GAS7: variants seen among roughly 807,000 people sequenced by gnomAD.
The protein encoded by GAS7 is growth arrest specific 7, also known as growth arrest-specific protein 7.
A neutral mutation model predicts 71.1 loss-of-function variants in GAS7; 28 were observed. That is an observed-to-expected ratio of 0.39 (90% CI 0.29 to 0.54). GAS7 has a LOEUF of 0.54. GAS7 is among the 20% of genes least tolerant of loss of function. The pLI, the probability that GAS7 is intolerant of heterozygous loss-of-function variation, is 0.62. For synonymous variants in GAS7, 258 were observed against 245.8 expected, an observed-to-expected ratio of 1.05 and a Z score of -0.46; for missense variants, 436 against 627.8, an observed-to-expected ratio of 0.69 and a Z score of 3.27.
chr17:10,031,618 T>G (rs2072620185), intron 1 of GAS7, among the ~76,000 whole-genome samples: 1 of 152,186 alleles, frequency 6.6e-6, no homozygotes, highest in South Asian at 2.1e-4. Context: ...TGACCCTTCC[T>G]CCTCTGACTC....
At chr17:10,006,660 G>A (rs866941517) in intron 2 of GAS7, among the ~76,000 whole-genome samples, 1 of 129,710 alleles carries the variant, frequency 7.7e-6, no homozygotes, top group Admixed American at 7.2e-5. Flanking sequence ...CCTCAGCTAA[G>A]TTGAAAGCAG....
chr17:10,159,082 A>ATATATTATTATTTTAT (rs1402777753), intron 1 of GAS7, among the ~76,000 whole-genome samples: 1 of 119,612 alleles, frequency 8.4e-6, no homozygotes, highest in Non-Finnish European at 1.7e-5. Flanking sequence ...ATATATATAT[A>ATATATTATTATTTTAT]TATATATATA....
At chr17:10,190,573 C>T (rs2142153766) in intron 1 of GAS7, among the ~76,000 whole-genome samples, 1 of 149,640 alleles carries the variant, frequency 6.7e-6, no homozygotes, top group Non-Finnish European at 1.5e-5. Context: ...GAGCAAGACT[C>T]CGTCTCAAAA....
At chr17:10,128,241 G>C (rs754945717) in intron 1 of GAS7, among the ~76,000 whole-genome samples, 2 of 152,230 alleles carry the variant, frequency 1.3e-5, no homozygotes, top group Admixed American at 1.3e-4. Flanking sequence ...TGCAGACTTC[G>C]AGAGGAAACA....
At chr17:10,073,022 G>A (rs898351383) in intron 1 of GAS7, among the ~76,000 whole-genome samples, 2 of 152,238 alleles carry the variant, frequency 1.3e-5, no homozygotes, top group African/African-American at 4.8e-5. Flanking sequence ...GATGGAAATA[G>A]AAAAGGTGGC....
chr17:9,963,131 C>G (rs1209222287), intron 4 of GAS7, among the ~76,000 whole-genome samples: 1 of 151,570 alleles, frequency 6.6e-6, no homozygotes, highest in Non-Finnish European at 1.5e-5. Flanking sequence ...ATCCATACGA[C>G]AGAATATTCT....
At chr17:10,021,104 C>T (rs192510036) in intron 1 of GAS7, among the ~76,000 whole-genome samples, 3 of 152,256 alleles carry the variant, frequency 2.0e-5, no homozygotes, top group Non-Finnish European at 2.9e-5. Flanking sequence ...TCCAAATTAG[C>T]CCGTAAGATT....
At chr17:9,945,369 A>G (rs910404764) in intron 6 of GAS7, among the ~76,000 whole-genome samples, 5 of 151,930 alleles carry the variant, frequency 3.3e-5, no homozygotes, top group African/African-American at 9.7e-5. Flanking sequence ...AAGCAGAATA[A>G]AACTCACTTA....
chr17:10,049,982 A>G (rs1021146850), intron 1 of GAS7, among the ~76,000 whole-genome samples: 20 of 152,138 alleles, frequency 1.3e-4, no homozygotes, highest in Admixed American at 8.5e-4. Context: ...TATGATCCCA[A>G]TTGTGGAGAA....
intron 11 of GAS7, among the ~76,000 whole-genome samples, chr17:9,921,392 T>C (rs1006027975): frequency 5.3e-5 from 8 of 152,180 alleles, no homozygotes; most frequent in African/African-American, 1.7e-4. Flanking sequence ...CCTGACCTTG[T>C]GATCCGCCCG....
chr17:10,107,771 C>T (rs12103482), intron 1 of GAS7, among the ~76,000 whole-genome samples: 37,708 of 145,996 alleles, frequency 0.26, 4,944 homozygotes, highest in Non-Finnish European at 0.33. Flanking sequence ...TTAGGGAAAC[C>T]GCCTTACACA....
intron 1 of GAS7, among the ~76,000 whole-genome samples, chr17:10,079,697 T>C (rs912467189): frequency 2.6e-5 from 4 of 152,180 alleles, no homozygotes; most frequent in African/African-American, 7.2e-5. Context: ...CTAAAATGTA[T>C]AAAAACTAAG....
Position 10,198,391 on chromosome 17 carries a change from GGCCTTGGCGCCCGGGTTCACA to G in GAS7, c.-22_-2del, listed in dbSNP as rs1567629677. ...GGGTCCGGCAGCGAGCGCCGGACAT[GGCCTTGGCGCCCGGGTTCACA>G]GCGCAGCCTGCATTCCCGCCGAGCC... On this transcript the variant is annotated 5_prime_UTR_variant, in exon 1 of 14. The change abolishes the stop of an existing upstream ORF in the 5' untranslated region. Transcript: ENST00000432992. The G allele has an allele frequency of 1.9e-6, 3 of 1,575,444 alleles. No individual in the cohort carries two copies. The highest frequency in any genetic ancestry group is 2.6e-6 in the Non-Finnish European group (3 of 1,169,554).
intron 1 of GAS7, among the ~76,000 whole-genome samples, chr17:10,176,196 C>T (rs909380841): frequency 6.6e-6 from 1 of 151,942 alleles, no homozygotes; most frequent in Admixed American, 6.6e-5. Flanking sequence ...ATTCCAACAG[C>T]TTTCCTAATC....
chr17:9,947,033 C>T (rs200935187), intron 5 of GAS7, 50 bp from the exon 6 acceptor site: 136 of 1,313,660 alleles, frequency 1.0e-4, no homozygotes, highest in Non-Finnish European at 1.3e-4. Context: ...ACTGGAATAG[C>T]GAGGAAGGCT....
chr17:9,966,017 G>C (rs74527263), intron 4 of GAS7, among the ~76,000 whole-genome samples: 1 of 121,306 alleles, frequency 8.2e-6, no homozygotes, highest in African/African-American at 3.4e-5. Flanking sequence ...TTTTTTTTTG[G>C]AGATGGAGTC....
At chr17:9,927,318 C>CACACAT (rs2068043762) in intron 9 of GAS7, among the ~76,000 whole-genome samples, 1 of 150,460 alleles carries the variant, frequency 6.6e-6, no homozygotes, top group African/African-American at 2.5e-5. Context: ...CACACACACA[C>CACACAT]ACACACACAC....
intron 1 of GAS7, among the ~76,000 whole-genome samples, chr17:10,155,261 C>G (rs954629093): frequency 6.6e-5 from 10 of 152,080 alleles, no homozygotes; most frequent in Admixed American, 2.0e-4. Context: ...GGTGATCCAC[C>G]CATCTCGGCC....
intron 5 of GAS7, among the ~76,000 whole-genome samples, chr17:9,956,173 G>A (rs1375454385): frequency 1.3e-5 from 2 of 152,218 alleles, no homozygotes; most frequent in African/African-American, 2.4e-5. Flanking sequence ...TTCTTGCACG[G>A]CCTGTTTGAC....
Sources: allele counts gnomAD v4.1 joint callset (sites outside exome capture counted in the v4.1 genomes callset), GRCh38; gene constraint gnomAD v4.1.1; transcripts MANE v1.5; gene names NCBI Gene and HGNC (gene_info 2026-07-23, HGNC 2026-07-21).